The following PLCB1 variants were observed in gnomAD, a reference collection of about 807,000 sequenced individuals.
PLCB1 encodes the protein phospholipase C beta 1, also known as 1-phosphatidylinositol 4,5-bisphosphate phosphodiesterase beta-1.
A neutral mutation model predicts 161.8 loss-of-function variants in PLCB1; 46 were observed. That is an observed-to-expected ratio of 0.28 (90% CI 0.22 to 0.36). PLCB1 has a LOEUF of 0.36. Ranked by LOEUF, PLCB1 falls within the 10% of genes least tolerant of loss-of-function variation. The probability of loss-of-function intolerance (pLI) is 1.00; values close to 1 mark genes in which losing one functional copy is unlikely to be tolerated. For synonymous variants in PLCB1, 517 were observed against 503.7 expected, an observed-to-expected ratio of 1.03 and a Z score of -0.35; for missense variants, 1,016 against 1,472.5, an observed-to-expected ratio of 0.69 and a Z score of 5.07.
chr20:8,158,202 C>T (rs906459091), intron 2 of PLCB1, among the ~76,000 whole-genome samples: 2 of 152,196 alleles, frequency 1.3e-5, no homozygotes, highest in African/African-American at 4.8e-5. Context: ...ATTCCTTTGA[C>T]TTTGTTACAA....
chr20:8,154,008 G>T (rs1291684491), intron 2 of PLCB1, among the ~76,000 whole-genome samples: 5 of 152,108 alleles, frequency 3.3e-5, no homozygotes, highest in Non-Finnish European at 7.3e-5. Context: ...TCCAATCCTA[G>T]TTCTCTATTC....
At chr20:8,277,607 A>G (rs974587776) in intron 2 of PLCB1, among the ~76,000 whole-genome samples, 4 of 152,176 alleles carry the variant, frequency 2.6e-5, no homozygotes, top group Admixed American at 2.0e-4. Context: ...GACATACTGA[A>G]TCAGAATTTG....
chr20:8,761,701 A>G (rs1237621449), intron 25 of PLCB1, among the ~76,000 whole-genome samples: 1 of 150,230 alleles, frequency 6.7e-6, no homozygotes, highest in African/African-American at 2.4e-5. Flanking sequence ...TATTTTTAGT[A>G]GAGACGGTGA....
At chr20:8,551,680 C>T (rs976318306) in intron 3 of PLCB1, among the ~76,000 whole-genome samples, 1 of 152,154 alleles carries the variant, frequency 6.6e-6, no homozygotes, top group Non-Finnish European at 1.5e-5. Flanking sequence ...ACAAACTGCA[C>T]CATCCCTGGA....
chr20:8,749,018 T>G (rs1212999982), intron 23 of PLCB1, among the ~76,000 whole-genome samples: 8 of 152,168 alleles, frequency 5.3e-5, no homozygotes, highest in Non-Finnish European at 1.0e-4. Context: ...TCAGATTCAG[T>G]AGGTCTGGCA....
intron 3 of PLCB1, among the ~76,000 whole-genome samples, chr20:8,588,052 C>A (rs553686708): frequency 1.8e-4 from 28 of 152,042 alleles, no homozygotes; most frequent in African/African-American, 6.8e-4. Context: ...AGATAAATAG[C>A]CATAACTCTT....
intron 3 of PLCB1, among the ~76,000 whole-genome samples, chr20:8,563,950 C>T (rs1398269799): frequency 1.3e-5 from 2 of 152,094 alleles, no homozygotes; most frequent in African/African-American, 4.8e-5. Flanking sequence ...AATGCTATCC[C>T]CATCAAGCTA....
intron 3 of PLCB1, among the ~76,000 whole-genome samples, chr20:8,561,693 G>T (rs1195714201): frequency 2.0e-5 from 3 of 151,912 alleles, no homozygotes; most frequent in Non-Finnish European, 4.4e-5. Context: ...ATTTGCATGA[G>T]GATTAAATTT....
chr20:8,454,970 A>G (rs1981234536), intron 3 of PLCB1, among the ~76,000 whole-genome samples: 1 of 150,822 alleles, frequency 6.6e-6, no homozygotes, highest in African/African-American at 2.5e-5. Flanking sequence ...TTTCTTGAAT[A>G]TAAGGATGGA....
intron 3 of PLCB1, among the ~76,000 whole-genome samples, chr20:8,612,452 T>G (rs190564619): frequency 6.8e-4 from 104 of 152,262 alleles, no homozygotes; most frequent in African/African-American, 2.0e-3. Flanking sequence ...CAACAATGGT[T>G]GTTTCACTGC....
chr20:8,402,109 G>T (rs1377436601), intron 3 of PLCB1, among the ~76,000 whole-genome samples: 2 of 151,806 alleles, frequency 1.3e-5, no homozygotes, highest in African/African-American at 2.4e-5. Flanking sequence ...TTTAATTATT[G>T]TGGCTTTACA....
chr20:8,740,577 CT>C, intron 22 of PLCB1, 129 bp downstream of exon 22: 1 of 513,930 alleles, frequency 1.9e-6, no homozygotes, highest in Non-Finnish European at 3.4e-6. Context: ...AGAATCACCC[CT>C]ACTTTCGTAT....
intron 3 of PLCB1, among the ~76,000 whole-genome samples, chr20:8,425,148 A>C (rs2122558240): frequency 9.7e-6 from 1 of 103,410 alleles, no homozygotes; most frequent in East Asian, 3.5e-4. Context: ...TTTTTTTTTA[A>C]CTTAAGATAC....
At position 8,765,321 on chromosome 20, in the gene PLCB1, G is replaced by A. The variant is rs1253411202; in HGVS notation, c.2893G>A (p.Ala965Thr). The A allele has an allele frequency of 1.8e-5, 29 of 1,612,296 alleles. No individual in the cohort carries two copies. The highest frequency in any genetic ancestry group is 1.8e-4 in the East Asian group (8 of 44,882). Residue 965 changes from alanine (A) to threonine (T), a missense_variant, in exon 26 of 32, where the codon GCT becomes ACT. Transcript: ENST00000338037. ...GAATGACTACTTGAGAAGGAGAGCC[G>A]CTTTGGAAAAGTCCGCCAAAAAGGA... ...IQNDYLRRRA[A>T]LEKSAKKDSK...
intron 4 of PLCB1, among the ~76,000 whole-genome samples, chr20:8,633,638 T>C (rs1176135386): frequency 2.0e-5 from 3 of 152,140 alleles, no homozygotes; most frequent in African/African-American, 7.2e-5. Context: ...TCATGGGAAC[T>C]GAGCCAGATT....
chr20:8,313,889 A>G (rs1241378163), intron 2 of PLCB1, among the ~76,000 whole-genome samples: 1 of 152,064 alleles, frequency 6.6e-6, no homozygotes. Context: ...TTGTTTTTAT[A>G]TTACTTTATA....
intron 31 of PLCB1, among the ~76,000 whole-genome samples, chr20:8,855,049 G>A (rs1987024917): frequency 6.6e-6 from 1 of 152,188 alleles, no homozygotes; most frequent in Non-Finnish European, 1.5e-5. Context: ...ATTTCTCTCT[G>A]TTGCAGATGG....
chr20:8,634,281 G>A (rs537396770), intron 4 of PLCB1, among the ~76,000 whole-genome samples: 5 of 152,210 alleles, frequency 3.3e-5, no homozygotes, highest in South Asian at 2.1e-4. Flanking sequence ...GAAGAAATGC[G>A]CTCTCTAAAA....
chr20:8,777,663 G>A (rs1287841455), intron 27 of PLCB1, among the ~76,000 whole-genome samples: 1 of 149,948 alleles, frequency 6.7e-6, no homozygotes, highest in Non-Finnish European at 1.5e-5. Flanking sequence ...AGGTTGCAGT[G>A]AGCCGAGATC....
Sources: gnomAD v4.1 joint callset for allele counts (sites outside exome capture counted in the v4.1 genomes callset) on GRCh38, gnomAD v4.1.1 for gene constraint, MANE v1.5 for transcripts, NCBI Gene and HGNC (gene_info 2026-07-23, HGNC 2026-07-21) for gene names.